Variants in ARHGEF7 observed in about 807,000 individuals in gnomAD.
The protein encoded by ARHGEF7 is Rho guanine nucleotide exchange factor 7.
In ARHGEF7, 33 loss-of-function variants were observed where a neutral mutation model predicts 109.8. The observed-to-expected ratio is 0.30, with a 90% CI of 0.23 to 0.40. The LOEUF (loss-of-function observed/expected upper bound fraction) is 0.40. ARHGEF7 is among the 10% of genes least tolerant of loss of function. The probability of loss-of-function intolerance (pLI) is 1.00; values close to 1 mark genes in which losing one functional copy is unlikely to be tolerated. For synonymous variants in ARHGEF7, 458 were observed against 424.6 expected, an observed-to-expected ratio of 1.08 and a Z score of -0.97; for missense variants, 938 against 1,098.5, an observed-to-expected ratio of 0.85 and a Z score of 2.07.
chr13:111,301,622 G>A, intron 21 of ARHGEF7, 90 bp downstream of exon 21: 2 of 1,098,524 alleles, frequency 1.8e-6, no homozygotes, highest in Non-Finnish European at 2.7e-6. Flanking sequence ...GCTGGGTACG[G>A]TGGCTCACAC....
Position 111,300,751 on chromosome 13 carries a change from C to A in ARHGEF7, c.2315C>A (p.Ser772Ter). ...HSYRMGSTSR[S>*]RKESAPQVLL... ...TATTATTTTTTCATGATCCTAGGTT[C>A]ACGCAAAGAATCTGCTCCACAAGTT... The change falls in exon 20 of 22, where the codon TCA becomes TAA. Residue 772 changes from serine to a stop codon, truncating the protein, a stop_gained. Coordinates refer to ENST00000646102, the MANE Select transcript of ARHGEF7 (RefSeq NM_001354046.2). LOFTEE classifies it high-confidence loss of function. 6.2e-7 allele frequency: 1 copy of A among 1,602,400 alleles called. No homozygotes were observed. Among genetic ancestry groups the A allele is most frequent in the Non-Finnish European group, 8.5e-7 (1 of 1,174,398 alleles).
At chr13:111,249,274 A>G (rs2089400831) in intron 8 of ARHGEF7, among the ~76,000 whole-genome samples, 1 of 152,070 alleles carries the variant, frequency 6.6e-6, no homozygotes, top group South Asian at 2.1e-4. Context: ...TTTTTTCCAA[A>G]TGTCCATCCT....
chr13:111,240,394 C>A (rs759781620), intron 6 of ARHGEF7, among the ~76,000 whole-genome samples: 7 of 152,216 alleles, frequency 4.6e-5, no homozygotes, highest in Non-Finnish European at 7.3e-5. Flanking sequence ...AACTAACGTT[C>A]CGAGGTATTG....
intron 2 of ARHGEF7, 132 bp downstream of exon 2, chr13:111,154,123 T>A: frequency 1.0e-6 from 1 of 968,412 alleles, no homozygotes; most frequent in Non-Finnish European, 1.4e-6. Flanking sequence ...TGCTCGAGAG[T>A]CCGGGATGTG....
Position 111,190,789 on chromosome 13 carries a change from T to A in ARHGEF7, c.253-14500T>A, listed in dbSNP as rs185104203. Among the ~76,000 whole-genome samples, 18 of 152,310 alleles carry A rather than the reference T, an allele frequency of 1.2e-4. No homozygotes were observed. In the East Asian group the frequency reaches 3.5e-3, roughly 29 times the overall value. On this transcript the variant is annotated intron_variant, in intron 2 of 21. Coordinates refer to ENST00000646102, the MANE Select transcript of ARHGEF7 (RefSeq NM_001354046.2). ...TGGTGGGGAGGCAGATATAGGTCGATGTTCCACATAAGAAGAATACATCTT... is the reference window on the plus strand; with the variant it reads ...TGGTGGGGAGGCAGATATAGGTCGAAGTTCCACATAAGAAGAATACATCTT...
chr13:111,214,453 C>G (rs1254422566), intron 4 of ARHGEF7, among the ~76,000 whole-genome samples: 1 of 152,242 alleles, frequency 6.6e-6, no homozygotes, highest in Non-Finnish European at 1.5e-5. Context: ...CACTGTGAGC[C>G]TGTTTTCCAC....
chr13:111,191,435 C>T (rs879090638), intron 2 of ARHGEF7, among the ~76,000 whole-genome samples: 13 of 152,282 alleles, frequency 8.5e-5, no homozygotes, highest in South Asian at 4.1e-4. Context: ...TTGGATTGCA[C>T]GTCCTGTTAG....
chr13:111,225,084 C>T (rs1283219339), intron 5 of ARHGEF7, among the ~76,000 whole-genome samples: 2 of 152,000 alleles, frequency 1.3e-5, no homozygotes, highest in African/African-American at 4.8e-5. Context: ...GAATATTTTC[C>T]TAGATTGGTA....
chr13:111,168,517 C>G (rs2077314842), intron 2 of ARHGEF7, among the ~76,000 whole-genome samples: 1 of 152,118 alleles, frequency 6.6e-6, no homozygotes, highest in South Asian at 2.1e-4. Context: ...CAGGGAAATA[C>G]CAGGGTTTCT....
chr13:111,122,835 A>G (rs2067283501), intron 1 of ARHGEF7: 1 of 152,262 alleles, frequency 6.6e-6, no homozygotes, highest in African/African-American at 2.4e-5. Context: ...CCTTTTGCAG[A>G]TGGCTTCACT....
intron 2 of ARHGEF7, among the ~76,000 whole-genome samples, chr13:111,169,384 C>A (rs550103223): frequency 6.6e-6 from 1 of 152,134 alleles, no homozygotes; most frequent in African/African-American, 2.4e-5. Flanking sequence ...AGGAAACTTA[C>A]AATCGTGGTG....
At chr13:111,280,508 C>T (rs1267660232) in intron 14 of ARHGEF7, 30 bp from the exon 15 acceptor site, 1 of 1,578,262 alleles carries the variant, frequency 6.3e-7, no homozygotes, top group East Asian at 2.2e-5. Flanking sequence ...TGTGTTTCCA[C>T]TCGGCCTATT....
chr13:111,277,527 C>T lies in ARHGEF7; in HGVS notation c.1420-60C>T, dbSNP rs543061207. On this transcript the variant is annotated intron_variant, in intron 12 of 21. Coordinates refer to ENST00000646102, the MANE Select transcript of ARHGEF7 (RefSeq NM_001354046.2). ...AGTATAAATAAGTGAAGTATTTGTG[C>T]TCACATTTGTTAAGTAGATGTTTTT... 13 of 1,043,600 alleles carry T rather than the reference C, an allele frequency of 1.2e-5. No individual in the cohort carries two copies. In the South Asian group the frequency reaches 1.4e-4, roughly 11 times the overall value. 64.6% of individuals were successfully genotyped at this position (1,043,600 alleles called of 1,614,324 possible).
chr13:111,280,396 G>A (rs1158153268), intron 14 of ARHGEF7, 46 bp downstream of exon 14: 8 of 1,591,274 alleles, frequency 5.0e-6, no homozygotes, highest in South Asian at 3.4e-5. Context: ...GGGAGGAGAG[G>A]CAGCTTGTCC....
chr13:111,192,030 T>A (rs1002183598), intron 2 of ARHGEF7, among the ~76,000 whole-genome samples: 16 of 152,186 alleles, frequency 1.1e-4, no homozygotes, highest in African/African-American at 3.4e-4. Flanking sequence ...TTATCTTTTT[T>A]AAGGAGGAAG....
At chr13:111,129,526 T>C (rs971472891) in intron 1 of ARHGEF7, among the ~76,000 whole-genome samples, 1 of 152,174 alleles carries the variant, frequency 6.6e-6, no homozygotes, top group African/African-American at 2.4e-5. Flanking sequence ...CTCTCAAAAC[T>C]TAATAAAGAG....
chr13:111,237,631 A>G (rs2087013520), intron 6 of ARHGEF7, among the ~76,000 whole-genome samples: 1 of 152,252 alleles, frequency 6.6e-6, no homozygotes, highest in African/African-American at 2.4e-5. Flanking sequence ...ATAAATTGCA[A>G]GCAACCCAAA....
At chr13:111,123,217 A>G (rs1002715264) in intron 1 of ARHGEF7, among the ~76,000 whole-genome samples, 3 of 151,994 alleles carry the variant, frequency 2.0e-5, no homozygotes, top group Non-Finnish European at 4.4e-5. Context: ...ACTTTTCTGC[A>G]CTCTCTCAGG....
At chr13:111,203,686 TGAG>T (rs905828897) in intron 2 of ARHGEF7, among the ~76,000 whole-genome samples, 2 of 152,234 alleles carry the variant, frequency 1.3e-5, no homozygotes, top group Non-Finnish European at 2.9e-5. Flanking sequence ...GTTTTTCTCT[TGAG>T]GTAGTTTTTC....
Sources: allele counts gnomAD v4.1 joint callset (sites outside exome capture counted in the v4.1 genomes callset), GRCh38; gene constraint gnomAD v4.1.1; transcripts MANE v1.5; gene names NCBI Gene and HGNC (gene_info 2026-07-23, HGNC 2026-07-21).